NDC80: variants seen among roughly 807,000 people sequenced by gnomAD.
NDC80 encodes the protein NDC80 kinetochore complex component, also known as kinetochore protein NDC80 homolog.
NDC80 carries 69 observed loss-of-function variants against 89.3 expected under a neutral mutation model. The ratio of observed to expected loss-of-function variants is 0.77; its 90% CI spans 0.64 to 0.94. The LOEUF (loss-of-function observed/expected upper bound fraction) is 0.94. NDC80 is among the 40% of genes least tolerant of loss of function. The pLI, the probability that NDC80 is intolerant of heterozygous loss-of-function variation, is 0.00. For synonymous variants in NDC80, 243 were observed against 255.6 expected (o/e 0.95, Z 0.47); for missense variants, 593 against 739.6 (o/e 0.80, Z 2.30).
intron 3 of NDC80, among the ~76,000 whole-genome samples, chr18:2,576,626 T>C (rs1397716234): frequency 6.6e-6 from 1 of 152,200 alleles, no homozygotes; most frequent in Non-Finnish European, 1.5e-5. Context: ...TCAGTGGTTG[T>C]CTAGGCTGCA....
chr18:2,595,063 C>A (rs1452219868), intron 10 of NDC80: 2 of 151,752 alleles, frequency 1.3e-5, no homozygotes, highest in Non-Finnish European at 2.9e-5. Flanking sequence ...ATTTTTTTTT[C>A]ATGTAGTACT....
intron 2 of NDC80, among the ~76,000 whole-genome samples, chr18:2,574,694 A>G (rs2143628545): frequency 6.6e-6 from 1 of 152,262 alleles, no homozygotes; most frequent in South Asian, 2.1e-4. Context: ...GTTATTAAAA[A>G]TGAGATGAGT....
intron 12 of NDC80, among the ~76,000 whole-genome samples, chr18:2,599,517 A>G (rs1029798317): frequency 1.4e-4 from 22 of 152,164 alleles, no homozygotes; most frequent in Non-Finnish European, 2.8e-4. Flanking sequence ...TGTAGCAAAA[A>G]AGACTCTGGA....
At chr18:2,575,443 C>T (rs955983890) in intron 3 of NDC80, among the ~76,000 whole-genome samples, 3 of 151,982 alleles carry the variant, frequency 2.0e-5, no homozygotes, top group Admixed American at 6.6e-5. Flanking sequence ...CGTGACAAGA[C>T]CCTGACTCCA....
At chr18:2,578,831 A>G in intron 5 of NDC80, 96 bp from the exon 6 acceptor site, 2 of 601,520 alleles carry the variant, frequency 3.3e-6, no homozygotes, top group South Asian at 4.5e-5. Context: ...CTGAGTGTGT[A>G]TGTGGAATTT....
Position 2,571,579 on chromosome 18 carries a change from C to T in NDC80, c.-114C>T, listed in dbSNP as rs1310911293. The T allele has an allele frequency of 6.6e-6, 1 of 152,206 alleles. No homozygotes were observed. The highest frequency in any genetic ancestry group is 1.5e-5 in the Non-Finnish European group (1 of 68,044). 9.4% of individuals were successfully genotyped at this position (152,206 alleles called of 1,614,324 possible). A position where few individuals can be genotyped will look rare whatever the true frequency, so the allele number is the denominator to read the frequency against. On this transcript the variant is annotated 5_prime_UTR_variant, in exon 1 of 17. Transcript: ENST00000261597. ...TTCAAATTCGAACGGCTTTGGCGGG[C>T]CGAGGAAGGACCTGGTGTTTTGATG... is the stretch of plus-strand genomic sequence containing the variant.
At chr18:2,615,145 C>T (rs534698642) in intron 16 of NDC80, 3 of 152,226 alleles carry the variant, frequency 2.0e-5, no homozygotes, top group Middle Eastern at 3.4e-3. Context: ...TTTTAAGCCA[C>T]CTAGTTTGTG....
At chr18:2,575,782 G>A (rs908555991) in intron 3 of NDC80, among the ~76,000 whole-genome samples, 20 of 152,184 alleles carry the variant, frequency 1.3e-4, no homozygotes, top group African/African-American at 3.4e-4. Flanking sequence ...ATGATTAGCC[G>A]GGGGCAGTGG....
rs76167197 is a variant in NDC80, at chr18:2,606,859, A to C, written c.1557+352A>C. 7.9e-3 allele frequency among the ~76,000 whole-genome samples: 1,197 copies of C among 152,216 alleles called. 10 individuals carry two copies. Among genetic ancestry groups the C allele is most frequent in the Non-Finnish European group, 0.011 (719 of 67,956 alleles). On this transcript the variant is annotated intron_variant, in intron 14 of 16. Transcript: ENST00000261597. ...ATGTACTGCTAAAGCCTGAACCCCA[A>C]TAAGGTCTTTTGAATATGTAGTTGC...
chr18:2,610,880 T>G lies in NDC80; in HGVS notation c.1791+19T>G. ...TGTAGAGGTAAGTATGTGATGGTCT[T>G]TCCTACGTTCTAAGAAAGGTTTTTA... is the stretch of plus-strand genomic sequence containing the variant. On this transcript the variant is annotated intron_variant, in intron 16 of 16. Transcript: ENST00000261597. 7.2e-7 allele frequency: 1 copy of G among 1,389,808 alleles called. No homozygotes were observed. The highest frequency in any genetic ancestry group is 9.7e-7 in the Non-Finnish European group (1 of 1,029,598). The allele number at this position is 1,389,808 out of a possible 1,614,324, so 86.1% of individuals were successfully genotyped here. A position where few individuals can be genotyped will look rare whatever the true frequency, so the allele number is the denominator to read the frequency against.
At chr18:2,576,808 A>G (rs969316786) in intron 3 of NDC80, among the ~76,000 whole-genome samples, 5 of 152,252 alleles carry the variant, frequency 3.3e-5, no homozygotes, top group Non-Finnish European at 5.9e-5. Context: ...AATAAAATAG[A>G]TACCTTTAAA....
chr18:2,578,906 T>C (rs2072562005), intron 5 of NDC80, 21 bp from the exon 6 acceptor site: 1 of 1,339,810 alleles, frequency 7.5e-7, no homozygotes. Context: ...AATTAGCTTA[T>C]GTTTTTCTGA....
intron 7 of NDC80, among the ~76,000 whole-genome samples, chr18:2,585,665 A>G (rs2072599842): frequency 6.6e-6 from 1 of 151,964 alleles, no homozygotes; most frequent in Non-Finnish European, 1.5e-5. Context: ...TCCTGAAAAC[A>G]TTATAAATTT....
At chr18:2,572,909 T>C in intron 1 of NDC80, 68 bp from the exon 2 acceptor site, 1 of 1,133,236 alleles carries the variant, frequency 8.8e-7, no homozygotes, top group Non-Finnish European at 1.3e-6. Context: ...TGTTTAAGGA[T>C]AAATAGTTGC....
chr18:2,602,662 A>T (rs1329084648), intron 13 of NDC80, among the ~76,000 whole-genome samples: 1 of 152,188 alleles, frequency 6.6e-6, no homozygotes, highest in African/African-American at 2.4e-5. Flanking sequence ...TAAAGGCTAT[A>T]GATGGGGGAA....
At chr18:2,601,826 G>A (rs559406498) in intron 13 of NDC80, among the ~76,000 whole-genome samples, 122 of 152,096 alleles carry the variant, frequency 8.0e-4, no homozygotes, top group African/African-American at 2.6e-3. Flanking sequence ...TAATTACGGC[G>A]TTAGAAGCTA....
chr18:2,583,255 C>T (rs2072587277), intron 6 of NDC80, among the ~76,000 whole-genome samples: 1 of 152,156 alleles, frequency 6.6e-6, no homozygotes, highest in South Asian at 2.1e-4. Context: ...CTGTATGTCC[C>T]TGTGTAAGAC....
chr18:2,585,273 C>A, intron 7 of NDC80, 71 bp downstream of exon 7: 3 of 1,170,494 alleles, frequency 2.6e-6, no homozygotes, highest in Non-Finnish European at 3.8e-6. Flanking sequence ...GGATTTAATA[C>A]AGATGCCCCT....
At chr18:2,584,303 T>A (rs567917751) in intron 6 of NDC80, among the ~76,000 whole-genome samples, 2,175 of 146,868 alleles carry the variant, frequency 0.015, 52 homozygotes, top group African/African-American at 0.051. Flanking sequence ...AAAAAAAAAA[T>A]ACATATTTAT....
Sources: gnomAD v4.1 joint callset for allele counts (sites outside exome capture counted in the v4.1 genomes callset) on GRCh38, gnomAD v4.1.1 for gene constraint, MANE v1.5 for transcripts, NCBI Gene and HGNC (gene_info 2026-07-23, HGNC 2026-07-21) for gene names.